ANK3: variants seen among roughly 807,000 people sequenced by gnomAD.
ANK3 encodes the protein ankyrin-3.
In ANK3, 57 loss-of-function variants were observed where a neutral mutation model predicts 370.9. That is an observed-to-expected ratio of 0.15 (90% CI 0.12 to 0.19). ANK3 has a LOEUF of 0.19. Ranked by LOEUF, ANK3 falls within the 10% of genes least tolerant of loss-of-function variation. The pLI is 1.00. For synonymous variants in ANK3, 1,929 were observed against 1,946.3 expected, an observed-to-expected ratio of 0.99 and a Z score of 0.23; for missense variants, 4,439 against 5,302.1, an observed-to-expected ratio of 0.84 and a Z score of 5.06.
intron 2 of ANK3, among the ~76,000 whole-genome samples, chr10:60,506,308 A>G (rs1008071077): frequency 1.3e-5 from 2 of 152,138 alleles, no homozygotes; most frequent in African/African-American, 4.8e-5. Flanking sequence ...CAAATGACAC[A>G]TAATGCAAAC....
intron 2 of ANK3, among the ~76,000 whole-genome samples, chr10:60,467,995 T>TA (rs2065047526): frequency 6.6e-6 from 1 of 151,506 alleles, no homozygotes; most frequent in Non-Finnish European, 1.5e-5. Context: ...TTTTTTTTTT[T>TA]TTTTTTGAGA....
At chr10:60,091,107 G>T (rs1564938807) in intron 28 of ANK3, among the ~76,000 whole-genome samples, 1 of 152,148 alleles carries the variant, frequency 6.6e-6, no homozygotes, top group Non-Finnish European at 1.5e-5. Context: ...GTTTCACCAT[G>T]TTGGCCAGCC....
chr10:60,575,589 C>T (rs1369493243), intron 2 of ANK3, among the ~76,000 whole-genome samples: 1 of 152,122 alleles, frequency 6.6e-6, no homozygotes, highest in African/African-American at 2.4e-5. Context: ...TGGCATATAA[C>T]ATGTTTTATG....
intron 1 of ANK3, among the ~76,000 whole-genome samples, chr10:60,329,049 T>C (rs550631131): frequency 3.3e-5 from 5 of 152,300 alleles, no homozygotes; most frequent in South Asian, 4.1e-4. Flanking sequence ...ATTATTTCAA[T>C]AGATGCAGAA....
intron 1 of ANK3, among the ~76,000 whole-genome samples, chr10:60,376,906 G>T (rs966227483): frequency 3.9e-5 from 6 of 152,158 alleles, no homozygotes; most frequent in African/African-American, 1.4e-4. Flanking sequence ...GAATAAATGT[G>T]CATAACAAAG....
Position 60,273,523 on chromosome 10 carries a change from C to T in ANK3, c.415-3294G>A, listed in dbSNP as rs143042583. Among the ~76,000 whole-genome samples the T allele has an allele frequency of 1.0e-3, 152 of 152,282 alleles. 1 individual carries two copies. The highest frequency in any genetic ancestry group is 3.4e-3 in the African/African-American group (143 of 41,566). Reference sequence around the variant, plus strand: ...ACTCCCCATTTCCCCCTAGTAACCACTAATGCACTTTCTCTCTCTAGTTTT... The same window carrying T: ...ACTCCCCATTTCCCCCTAGTAACCATTAATGCACTTTCTCTCTCTAGTTTT... On this transcript the variant is annotated intron_variant, in intron 4 of 43. Transcript: ENST00000280772.
intron 2 of ANK3, among the ~76,000 whole-genome samples, chr10:60,483,844 A>G (rs1175391469): frequency 6.6e-6 from 1 of 152,196 alleles, no homozygotes; most frequent in Non-Finnish European, 1.5e-5. Context: ...ATTTATTCTT[A>G]GGTCACAAAG....
chr10:60,476,533 A>G (rs917396182), intron 2 of ANK3, among the ~76,000 whole-genome samples: 4 of 152,184 alleles, frequency 2.6e-5, no homozygotes, highest in African/African-American at 9.6e-5. Context: ...CTACTCTGCT[A>G]TTTTAAACTA....
intron 2 of ANK3, among the ~76,000 whole-genome samples, chr10:60,582,937 GA>G (rs1187405247): frequency 6.6e-6 from 1 of 152,034 alleles, no homozygotes; most frequent in African/African-American, 2.4e-5. Context: ...AGCCATTATG[GA>G]AGGAGCAATA....
At chr10:60,197,552 C>T (rs1169527187) in intron 14 of ANK3, among the ~76,000 whole-genome samples, 3 of 152,202 alleles carry the variant, frequency 2.0e-5, no homozygotes, top group Non-Finnish European at 4.4e-5. Flanking sequence ...ACTTGCATCT[C>T]AACTCTACTG....
At position 60,406,278 on chromosome 10, in the gene ANK3, G is replaced by T. The variant is rs144841074; in HGVS notation, c.97-126639C>A. On this transcript the variant is annotated intron_variant, in intron 2 of 43. Transcript: ENST00000373827. Reference sequence around the variant, plus strand: ...CAATAAAACTTTATTTACAAAAACAGGCAGGCACTAGATTTGGGTCATGGG... The same window carrying T: ...CAATAAAACTTTATTTACAAAAACATGCAGGCACTAGATTTGGGTCATGGG... Among the ~76,000 whole-genome samples the T allele has an allele frequency of 5.7e-3, 865 of 152,258 alleles. 5 individuals carry two copies. The highest frequency in any genetic ancestry group is 9.4e-3 in the Non-Finnish European group (639 of 68,014).
intron 23 of ANK3, chr10:60,140,523 A>G (rs2094516012): frequency 6.7e-7 from 1 of 1,490,184 alleles, no homozygotes; most frequent in Non-Finnish European, 8.9e-7. Flanking sequence ...GCATCTTGAT[A>G]TCCTCGTAGG....
chr10:60,634,611 C>G (rs7093573), intron 1 of ANK3, among the ~76,000 whole-genome samples: 102,844 of 151,956 alleles, frequency 0.68, 34,944 homozygotes, highest in South Asian at 0.82. Context: ...AGCAGGCCAC[C>G]GGAGCCAGCA....
intron 7 of ANK3, among the ~76,000 whole-genome samples, chr10:60,235,323 T>C (rs2097311692): frequency 6.6e-6 from 1 of 152,216 alleles, no homozygotes; most frequent in Non-Finnish European, 1.5e-5. Flanking sequence ...TAAATGTGTT[T>C]ACAGGCATTT....
Position 60,702,015 on chromosome 10 carries a change from T to C in ANK3, c.57+31248A>G, listed in dbSNP as rs550070415. Reference sequence around the variant, plus strand: ...GGCTCATGCCTATAATTCCAGCACTTTGGGAGTCTGAGGCAGGAGGACTGC... The same window carrying C: ...GGCTCATGCCTATAATTCCAGCACTCTGGGAGTCTGAGGCAGGAGGACTGC... On this transcript the variant is annotated intron_variant, in intron 1 of 43. Transcript: ENST00000373827. Among the ~76,000 whole-genome samples, 30 of 152,174 alleles carry C rather than the reference T, an allele frequency of 2.0e-4. No homozygotes were observed. The East Asian group carries it at 5.6e-3, about 28-fold the overall frequency.
At position 60,063,190 on chromosome 10, in the gene ANK3, T is replaced by C; in HGVS notation, c.12516A>G (p.Gly4172=). Residue 4172 remains glycine, a synonymous_variant, in exon 40 of 44, where the codon GGA becomes GGG. Coordinates refer to ENST00000280772, the MANE Select transcript of ANK3 (RefSeq NM_020987.5). ...AAATATTTCCATAATCAAATATTGGTCCTTCTAGCAGTGTCACTATATCTA... is the reference window on the plus strand; with the variant it reads ...AAATATTTCCATAATCAAATATTGGCCCTTCTAGCAGTGTCACTATATCTA... The part of the protein sequence containing the change: ...NRIDIVTLLE[G]PIFDYGNISG... 6.2e-7 allele frequency: 1 copy of C among 1,613,640 alleles called. No individual in the cohort carries two copies. Among genetic ancestry groups the C allele is most frequent in the Non-Finnish European group, 8.5e-7 (1 of 1,179,788 alleles).
chr10:60,213,608 G>T, intron 8 of ANK3, 98 bp from the exon 9 acceptor site: 1 of 617,260 alleles, frequency 1.6e-6, no homozygotes, highest in Non-Finnish European at 2.6e-6. Context: ...AACATGCTGT[G>T]GTCAAGCGGG....
chr10:60,215,346 G>A (rs576910918), intron 8 of ANK3, among the ~76,000 whole-genome samples: 1 of 152,096 alleles, frequency 6.6e-6, no homozygotes, highest in South Asian at 2.1e-4. Context: ...TTGCTGTGCA[G>A]AAGCTCTTTA....
At chr10:60,347,351 C>A (rs763738914) in intron 1 of ANK3, among the ~76,000 whole-genome samples, 8 of 151,652 alleles carry the variant, frequency 5.3e-5, no homozygotes, top group Non-Finnish European at 1.0e-4. Flanking sequence ...CATGAAACTA[C>A]GTAGATAGTA....
Sources: allele counts gnomAD v4.1 joint callset (sites outside exome capture counted in the v4.1 genomes callset), GRCh38; gene constraint gnomAD v4.1.1; transcripts MANE v1.5; gene names NCBI Gene and HGNC (gene_info 2026-07-23, HGNC 2026-07-21).